The following GALNT14 variants were observed in gnomAD, a reference collection of about 807,000 sequenced individuals.
The protein encoded by GALNT14 is UDP-GalNAc:polypeptide N-acetylgalactosaminyltransferase 14.
A neutral mutation model predicts 77.5 loss-of-function variants in GALNT14; 60 were observed. That is an observed-to-expected ratio of 0.77 (90% CI 0.63 to 0.96). The LOEUF (loss-of-function observed/expected upper bound fraction) is 0.96. Among genes scored for constraint, GALNT14 ranks in the 40% least tolerant of loss-of-function variants. The pLI is 0.00. For missense variants in GALNT14, 710 were observed against 731.0 expected (o/e 0.97, Z 0.33); for synonymous variants, 280 against 281.7 (o/e 0.99, Z 0.06).
intron 1 of GALNT14, among the ~76,000 whole-genome samples, chr2:31,100,269 T>C (rs1288870285): frequency 2.0e-5 from 3 of 152,034 alleles, no homozygotes; most frequent in Non-Finnish European, 2.9e-5. Flanking sequence ...GTTATAACTT[T>C]GATGAGAAAA....
chr2:31,049,294 C>A lies in GALNT14; in HGVS notation c.130-56287G>T, dbSNP rs555634439. Among the ~76,000 whole-genome samples, 5 of 152,232 alleles carry A rather than the reference C, an allele frequency of 3.3e-5. No individual in the cohort carries two copies. In the East Asian group the frequency reaches 9.7e-4, roughly 29 times the overall value. ...ATGCAAGCTCACACTTACTAAATGC[C>A]CAAAGCAGGAATGATTTTTGCTCAA... is the stretch of plus-strand genomic sequence containing the variant. On this transcript the variant is annotated intron_variant, in intron 1 of 14. Coordinates refer to ENST00000349752, the MANE Select transcript of GALNT14 (RefSeq NM_024572.4).
intron 1 of GALNT14, among the ~76,000 whole-genome samples, chr2:31,008,153 T>C (rs1420952897): frequency 6.6e-6 from 1 of 152,184 alleles, no homozygotes; most frequent in Non-Finnish European, 1.5e-5. Flanking sequence ...AGTGCAATCA[T>C]TGCTTGCTGC....
chr2:30,954,166 G>T (rs1042892358), intron 6 of GALNT14, among the ~76,000 whole-genome samples: 1 of 152,170 alleles, frequency 6.6e-6, no homozygotes, highest in African/African-American at 2.4e-5. Flanking sequence ...CCAGGGACAG[G>T]AAGGGCTTGG....
At chr2:30,950,812 G>A (rs917251642) in intron 6 of GALNT14, among the ~76,000 whole-genome samples, 32 of 152,238 alleles carry the variant, frequency 2.1e-4, no homozygotes, top group African/African-American at 6.5e-4. Flanking sequence ...GCTCACATTC[G>A]GAAACGAAGA....
chr2:30,912,197 A>G lies in GALNT14; in HGVS notation c.1500+26T>C, dbSNP rs764817518. The G allele has an allele frequency of 3.7e-6, 6 of 1,612,844 alleles. No individual in the cohort carries two copies. In the South Asian group the frequency reaches 6.6e-5, roughly 18 times the overall value. ...GCAGTCACATTACGGAGTTGGCCACATCCCAGGGACCTGCTGAGCACTTAC... is the reference window on the plus strand; with the variant it reads ...GCAGTCACATTACGGAGTTGGCCACGTCCCAGGGACCTGCTGAGCACTTAC... On this transcript the variant is annotated intron_variant, in intron 14 of 14. Transcript: ENST00000349752.
chr2:30,912,176 T>A, intron 14 of GALNT14, 47 bp downstream of exon 14: 1 of 1,606,900 alleles, frequency 6.2e-7, no homozygotes, highest in South Asian at 1.1e-5. Flanking sequence ...CAACAGGCAG[T>A]CACATTACGG....
chr2:30,927,725 G>A (rs138809561), intron 11 of GALNT14, among the ~76,000 whole-genome samples: 1 of 152,144 alleles, frequency 6.6e-6, no homozygotes, highest in Admixed American at 6.5e-5. Context: ...AGCGAAAGAG[G>A]GGGGTGGACT....
rs143203516 is a variant in GALNT14 at position 31,046,977 on chromosome 2, C to A, written c.130-53970G>T. Among the ~76,000 whole-genome samples, 53 of 152,302 alleles carry A rather than the reference C, an allele frequency of 3.5e-4. No individual in the cohort carries two copies. In the East Asian group the frequency reaches 9.1e-3, roughly 26 times the overall value. ...TTTACAGGTGGAGAAACTAAAGTTC[C>A]GGGCAGTTGAACTCCTCATGTGGGC... is the stretch of plus-strand genomic sequence containing the variant. On this transcript the variant is annotated intron_variant, in intron 1 of 14. Coordinates refer to ENST00000349752, the MANE Select transcript of GALNT14 (RefSeq NM_024572.4).
chr2:31,113,693 C>T (rs1437966135), intron 1 of GALNT14, among the ~76,000 whole-genome samples: 1 of 152,132 alleles, frequency 6.6e-6, no homozygotes, highest in African/African-American at 2.4e-5. Flanking sequence ...TGGACAAACA[C>T]CACCACTTTA....
At chr2:30,952,422 A>G (rs957990802) in intron 6 of GALNT14, among the ~76,000 whole-genome samples, 5 of 151,578 alleles carry the variant, frequency 3.3e-5, no homozygotes, top group African/African-American at 1.2e-4. Flanking sequence ...ATGGAATACT[A>G]TGCAGCCATA....
chr2:30,904,751 G>A, the GALNT14 span, among the ~76,000 whole-genome samples: 1 of 152,248 alleles, frequency 6.6e-6, no homozygotes, highest in Non-Finnish European at 1.5e-5. Flanking sequence ...CTCCACCTCT[G>A]GGAGCAGGGC....
At chr2:30,989,814 C>T (rs2148398587) in intron 2 of GALNT14, among the ~76,000 whole-genome samples, 1 of 150,858 alleles carries the variant, frequency 6.6e-6, no homozygotes, top group Middle Eastern at 3.5e-3. Flanking sequence ...AACTGAGGTA[C>T]AGAGAAGCTA....
intron 1 of GALNT14, among the ~76,000 whole-genome samples, chr2:31,081,239 C>T (rs1474545853): frequency 6.6e-6 from 1 of 152,138 alleles, no homozygotes; most frequent in Non-Finnish European, 1.5e-5. Flanking sequence ...AAGGTCATAC[C>T]AATAGCCGGC....
chr2:31,097,832 T>A (rs376838919), intron 1 of GALNT14, among the ~76,000 whole-genome samples: 19 of 152,204 alleles, frequency 1.2e-4, no homozygotes, highest in African/African-American at 4.1e-4. Context: ...AATGAACAGA[T>A]GGGAAAGAAC....
chr2:31,104,703 C>T (rs192855407), intron 1 of GALNT14, among the ~76,000 whole-genome samples: 1 of 152,184 alleles, frequency 6.6e-6, no homozygotes, highest in South Asian at 2.1e-4. Context: ...TTCTGTAGAG[C>T]CTGTGTCCAT....
At chr2:30,953,402 T>A (rs998934802) in intron 6 of GALNT14, among the ~76,000 whole-genome samples, 1 of 149,278 alleles carries the variant, frequency 6.7e-6, no homozygotes, top group African/African-American at 2.5e-5. Context: ...ACTGCCTCCC[T>A]GGTTCAAGCG....
At chr2:30,924,399 G>T in intron 12 of GALNT14, 136 bp from the exon 13 acceptor site, 2 of 904,374 alleles carry the variant, frequency 2.2e-6, no homozygotes, top group African/African-American at 1.7e-5. Flanking sequence ...CTCGGGGAAG[G>T]GCAGGGTGCC....
the GALNT14 span, among the ~76,000 whole-genome samples, chr2:30,894,903 G>A: frequency 3.3e-5 from 5 of 152,304 alleles, no homozygotes; most frequent in Non-Finnish European, 7.3e-5. Flanking sequence ...GCTTTGGAAT[G>A]TTCCGAGGCT....
chr2:30,989,243 A>G (rs755845715), intron 2 of GALNT14, among the ~76,000 whole-genome samples: 6 of 151,978 alleles, frequency 3.9e-5, no homozygotes, highest in Non-Finnish European at 8.8e-5. Flanking sequence ...CCAGCACCCC[A>G]CACTCATGGG....
Sources: allele counts gnomAD v4.1 joint callset (sites outside exome capture counted in the v4.1 genomes callset), GRCh38; gene constraint gnomAD v4.1.1; transcripts MANE v1.5; gene names NCBI Gene and HGNC (gene_info 2026-07-23, HGNC 2026-07-21).